The following TMEM132C variants were observed in gnomAD, a reference collection of about 807,000 sequenced individuals.
TMEM132C encodes transmembrane protein 132C, also known as protein phosphatase 1, regulatory subunit 152.
Under a neutral mutation model 61.4 loss-of-function variants are expected in TMEM132C, and 29 were observed. The ratio of observed to expected loss-of-function variants is 0.47; its 90% confidence interval spans 0.35 to 0.64. The LOEUF is 0.64. TMEM132C is among the 30% of genes least tolerant of loss of function. TMEM132C has a pLI of 0.00. For synonymous variants in TMEM132C, 656 were observed against 633.1 expected (o/e 1.04, Z -0.54); for missense variants, 1,408 against 1,476.9 (o/e 0.95, Z 0.76).
At chr12:128,419,259 G>A (rs1394979691) in intron 2 of TMEM132C, among the ~76,000 whole-genome samples, 1 of 152,226 alleles carries the variant, frequency 6.6e-6, no homozygotes, top group Non-Finnish European at 1.5e-5. Flanking sequence ...CCTTAAGCTA[G>A]ATAACATCCG....
intron 2 of TMEM132C, among the ~76,000 whole-genome samples, chr12:128,471,783 TTG>T (rs1870961494): frequency 1.3e-5 from 2 of 152,222 alleles, no homozygotes; most frequent in Non-Finnish European, 2.9e-5. Context: ...ATGTGGAAGA[TTG>T]AATGAATTGC....
At chr12:128,426,793 T>C (rs1324267392) in intron 2 of TMEM132C, among the ~76,000 whole-genome samples, 2 of 152,138 alleles carry the variant, frequency 1.3e-5, no homozygotes, top group East Asian at 3.9e-4. Flanking sequence ...GGGAAACATT[T>C]AAACATAGAA....
chr12:128,689,447 TG>T (rs2135648320), intron 5 of TMEM132C, among the ~76,000 whole-genome samples: 1 of 152,290 alleles, frequency 6.6e-6, no homozygotes, highest in East Asian at 1.9e-4. Context: ...GGATTGTCAC[TG>T]TGTACGAGCA....
intron 1 of TMEM132C, among the ~76,000 whole-genome samples, chr12:128,314,156 A>G (rs1872070504): frequency 6.6e-6 from 1 of 152,240 alleles, no homozygotes; most frequent in Non-Finnish European, 1.5e-5. Flanking sequence ...TATCTTACTC[A>G]GTGGAGAAAT....
intron 2 of TMEM132C, among the ~76,000 whole-genome samples, chr12:128,418,994 A>G (rs1239290994): frequency 6.6e-6 from 1 of 152,126 alleles, no homozygotes; most frequent in African/African-American, 2.4e-5. Flanking sequence ...TTTCTGTATC[A>G]TCAATGCAAT....
chr12:128,481,539 C>T (rs1248358710), intron 2 of TMEM132C, among the ~76,000 whole-genome samples: 1 of 152,232 alleles, frequency 6.6e-6, no homozygotes, highest in East Asian at 1.9e-4. Flanking sequence ...GCTTGTTACC[C>T]CCTGCCGTGC....
intron 2 of TMEM132C, among the ~76,000 whole-genome samples, chr12:128,454,434 A>G (rs1244086815): frequency 1.3e-5 from 2 of 152,230 alleles, no homozygotes; most frequent in African/African-American, 2.4e-5. Flanking sequence ...CCCCAGCTCC[A>G]GAAGTTGATG....
intron 5 of TMEM132C, among the ~76,000 whole-genome samples, chr12:128,693,012 T>C (rs1457538816): frequency 6.6e-6 from 1 of 152,148 alleles, no homozygotes; most frequent in Non-Finnish European, 1.5e-5. Flanking sequence ...ACACGTATTA[T>C]ATAAATAATC....
chr12:128,463,873 G>A (rs971394362), intron 2 of TMEM132C, among the ~76,000 whole-genome samples: 4 of 152,188 alleles, frequency 2.6e-5, no homozygotes, highest in African/African-American at 7.2e-5. Flanking sequence ...GATGTGAGTT[G>A]AATGGCCATG....
At chr12:128,435,613 A>C (rs1869562973) in intron 2 of TMEM132C, among the ~76,000 whole-genome samples, 1 of 152,228 alleles carries the variant, frequency 6.6e-6, no homozygotes, top group African/African-American at 2.4e-5. Flanking sequence ...CTCTTCAAGG[A>C]GAACTACAAA....
At chr12:128,423,488 A>G (rs574437185) in intron 2 of TMEM132C, among the ~76,000 whole-genome samples, 3 of 152,372 alleles carry the variant, frequency 2.0e-5, no homozygotes, top group East Asian at 3.9e-4. Flanking sequence ...TGCAAGATTT[A>G]TGCAAGAATA....
At chr12:128,506,884 C>T (rs1187260404) in intron 2 of TMEM132C, among the ~76,000 whole-genome samples, 2 of 152,160 alleles carry the variant, frequency 1.3e-5, no homozygotes, top group East Asian at 3.8e-4. Context: ...GGTGTGACCA[C>T]GACCTCAGAC....
At chr12:128,414,401 AATT>A (rs1196151760) in intron 1 of TMEM132C, among the ~76,000 whole-genome samples, 1 of 152,148 alleles carries the variant, frequency 6.6e-6, no homozygotes, top group Non-Finnish European at 1.5e-5. Context: ...AACTCATGCA[AATT>A]ATTAATAAAA....
At chr12:128,670,828 A>C (rs1315419717) in intron 5 of TMEM132C, among the ~76,000 whole-genome samples, 1 of 152,180 alleles carries the variant, frequency 6.6e-6, no homozygotes, top group Non-Finnish European at 1.5e-5. Flanking sequence ...CCCAGCAAGG[A>C]AATTGCTATA....
At chr12:128,462,938 T>C (rs1433475494) in intron 2 of TMEM132C, among the ~76,000 whole-genome samples, 1 of 152,154 alleles carries the variant, frequency 6.6e-6, no homozygotes, top group Non-Finnish European at 1.5e-5. Context: ...CCTGGAGGTA[T>C]GTAGCCCCAG....
intron 3 of TMEM132C, among the ~76,000 whole-genome samples, chr12:128,574,274 G>T (rs1875012513): frequency 6.6e-6 from 1 of 152,156 alleles, no homozygotes; most frequent in South Asian, 2.1e-4. Flanking sequence ...ATTAGTTACG[G>T]CTCATTCCAA....
chr12:128,356,365 G>A (rs966406698), intron 1 of TMEM132C, among the ~76,000 whole-genome samples: 15 of 152,302 alleles, frequency 9.8e-5, no homozygotes, highest in Admixed American at 9.2e-4. Context: ...TCTGGCACAC[G>A]AACCTAACCT....
intron 2 of TMEM132C, 43 bp from the exon 3 acceptor site, chr12:128,543,914 C>T: frequency 6.5e-7 from 1 of 1,537,668 alleles, no homozygotes; most frequent in Non-Finnish European, 8.8e-7. Context: ...AAAGGCCAAG[C>T]CTTAACCCTG....
intron 1 of TMEM132C, among the ~76,000 whole-genome samples, chr12:128,366,635 G>T (rs1873881029): frequency 6.6e-6 from 1 of 152,166 alleles, no homozygotes. Context: ...CAGGCAGCAG[G>T]GAAGATAGTG....
Sources: gnomAD v4.1 joint callset for allele counts (sites outside exome capture counted in the v4.1 genomes callset) on GRCh38, gnomAD v4.1.1 for gene constraint, MANE v1.5 for transcripts, NCBI Gene and HGNC (gene_info 2026-07-23, HGNC 2026-07-21) for gene names.